AKNA: variants seen among roughly 807,000 people sequenced by gnomAD.
AKNA encodes microtubule organization protein AKNA.
Under a neutral mutation model 138.8 loss-of-function variants are expected in AKNA, and 67 were observed. The observed-to-expected ratio is 0.48, with a 90% CI of 0.40 to 0.59. The LOEUF is 0.59. Among genes scored for constraint, AKNA ranks in the 20% least tolerant of loss-of-function variants. The pLI is 0.00. For synonymous variants in AKNA, 737 were observed against 754.4 expected (o/e 0.98, Z 0.38); for missense variants, 1,813 against 1,880.4 (o/e 0.96, Z 0.66).
At position 114,358,098 on chromosome 9, in the gene AKNA, G is replaced by A; in HGVS notation, c.2562C>T (p.His854=). The change falls in exon 12 of 22, where the codon CAC becomes CAT. Residue 854 remains histidine, a synonymous_variant. Coordinates refer to ENST00000374088, the MANE Select transcript of AKNA (RefSeq NM_001317950.2). ...GFQASLARDG[H]MSGLGKAEAA... ...CCTCAGCCTTGCCCAGGCCTGACAT[G>A]TGCCCGTCTCTAGCCAGGGATGCCT... 1 of 1,614,188 alleles carries A rather than the reference G, an allele frequency of 6.2e-7. No homozygotes were observed. Among genetic ancestry groups the A allele is most frequent in the South Asian group, 1.1e-5 (1 of 91,086 alleles).
intron 18 of AKNA, 193 bp from the exon 19 acceptor site, chr9:114,343,996 T>A (rs1344949183): frequency 7.2e-6 from 4 of 555,608 alleles, no homozygotes; most frequent in African/African-American, 5.8e-5. Context: ...ATGACACACA[T>A]ACACACATAT....
intron 14 of AKNA, among the ~76,000 whole-genome samples, chr9:114,354,170 A>T (rs1831321675): frequency 6.6e-6 from 1 of 152,182 alleles, no homozygotes; most frequent in African/African-American, 2.4e-5. Context: ...TATCCTTATA[A>T]GCTTTTTTCT....
At chr9:114,331,786 C>T, downstream of AKNA, 1 of 1,603,344 alleles carries the variant, frequency 6.2e-7, no homozygotes. Context: ...CCCGCCGGGC[C>T]CCACCATGTC....
chr9:114,367,516 C>CG, intron 6 of AKNA, 27 bp downstream of exon 6: 1 of 1,609,580 alleles, frequency 6.2e-7, no homozygotes, highest in Non-Finnish European at 8.5e-7. Context: ...TTAAGTCTCT[C>CG]GGGGGCAAAG....
upstream of AKNA, chr9:114,388,122 T>C (rs558528892): frequency 6.0e-5 from 16 of 266,740 alleles, 1 homozygote; most frequent in South Asian, 4.5e-4. Flanking sequence ...GGGGTTTGTC[T>C]GCGTGCAGAG....
intron 1 of AKNA, among the ~76,000 whole-genome samples, chr9:114,385,237 A>G (rs563052556): frequency 1.4e-4 from 22 of 152,296 alleles, no homozygotes; most frequent in Admixed American, 1.4e-3. Flanking sequence ...AATCCCTGCC[A>G]GGGATCTTAA....
chr9:114,369,474 A>G (rs1292523929), intron 4 of AKNA, among the ~76,000 whole-genome samples: 10 of 152,020 alleles, frequency 6.6e-5, no homozygotes, highest in Admixed American at 6.6e-4. Context: ...AAGTTTGCCA[A>G]CTCTGGCTTA....
intron 12 of AKNA, 26 bp downstream of exon 12, chr9:114,357,895 G>T: frequency 5.6e-6 from 9 of 1,593,356 alleles, no homozygotes; most frequent in Non-Finnish European, 7.7e-6. Context: ...GAGGTTCTGG[G>T]CCCATTCCCC....
Position 114,374,108 on chromosome 9 carries a change from T to C in AKNA, c.1401A>G (p.Leu467=), listed in dbSNP as rs1305660892. Residue 467 remains leucine (L), a synonymous_variant, in exon 4 of 22, where the codon CTA becomes CTG. Coordinates refer to ENST00000374088, the MANE Select transcript of AKNA (RefSeq NM_001317950.2). ...GGCCTGGTACCTTGGCCCCGAGGCG[T>C]AGCTGGTCAATGGTGTTCTCGGCCT... ...YAEAENTIDQ[L]RLGAKVNLFS... is the part of the protein sequence containing the mutation. 6.4e-7 allele frequency: 1 copy of C among 1,557,818 alleles called. No individual in the cohort carries two copies. The highest frequency in any genetic ancestry group is 8.7e-7 in the Non-Finnish European group (1 of 1,150,240).
intron 15 of AKNA, 40 bp downstream of exon 15, chr9:114,350,819 T>A (rs529436236): frequency 2.0e-6 from 3 of 1,517,270 alleles, no homozygotes; most frequent in East Asian, 2.3e-5. Context: ...CCCGTCTGTA[T>A]GATGAGCTTG....
chr9:114,362,572 T>A, intron 7 of AKNA, 39 bp from the exon 8 acceptor site: 1 of 1,602,082 alleles, frequency 6.2e-7, no homozygotes, highest in Non-Finnish European at 8.5e-7. Context: ...GAGTGCTCAG[T>A]CCCCGCGGGG....
downstream of AKNA, among the ~76,000 whole-genome samples, chr9:114,332,732 G>A (rs1269852191): frequency 5.3e-5 from 8 of 152,156 alleles, no homozygotes; most frequent in African/African-American, 1.2e-4. Context: ...GGGTCCCAAG[G>A]CCACCCTGCT....
At chr9:114,385,004 C>T (rs1833932493) in intron 1 of AKNA, among the ~76,000 whole-genome samples, 1 of 152,160 alleles carries the variant, frequency 6.6e-6, no homozygotes, top group Admixed American at 6.5e-5. Context: ...TATGCGCCAC[C>T]ATGCCTGGCT....
In AKNA at chr9:114,337,012, T is replaced by TGGGGGGGGGGGGGGGGGGGGGGGGG; in HGVS notation, c.*41_*42insCCCCCCCCCCCCCCCCCCCCCCCCC. 1.7e-6 allele frequency: 2 copies of TGGGGGGGGGGGGGGGGGGGGGGGGG among 1,208,224 alleles called. No individual in the cohort carries two copies. The highest frequency in any genetic ancestry group is 1.1e-6 in the Non-Finnish European group (1 of 929,350). The allele number at this position is 1,208,224 out of a possible 1,614,324, so 74.8% of individuals were successfully genotyped here. On this transcript the variant is annotated 3_prime_UTR_variant, in exon 22 of 22. Coordinates refer to ENST00000374088, the MANE Select transcript of AKNA (RefSeq NM_001317950.2). ...CCCACTCCTGGCCTGGCAGGCCACCTGCCCACCCACCCACCCATCTGCCTC... is the reference window on the plus strand; with the variant it reads ...CCCACTCCTGGCCTGGCAGGCCACCTGGGGGGGGGGGGGGGGGGGGGGGGGGCCCACCCACCCACCCATCTGCCTC...
In AKNA at chr9:114,350,896, T is replaced by C; in HGVS notation, c.3184A>G (p.Thr1062Ala). 1 of 1,597,652 alleles carries C rather than the reference T, an allele frequency of 6.3e-7. No individual in the cohort carries two copies. The highest frequency in any genetic ancestry group is 8.5e-7 in the Non-Finnish European group (1 of 1,172,340). Reference protein sequence around the residue: ...AAPLPCGPTETIPSFLLTRAG... With the variant: ...AAPLPCGPTEAIPSFLLTRAG... The stretch of plus-strand genomic sequence containing the variant: ...CTGGTGAGCAGGAAGCTGGGGATGG[T>C]CTCTGTTGGTCCACAGGGTAGAGGC... Residue 1062 changes from threonine (T) to alanine (A), a missense_variant, in exon 15 of 22, where the codon ACC becomes GCC. Thr to Ala is a moderately conservative substitution (Grantham distance 58). Transcript: ENST00000374088.
Position 114,381,381 on chromosome 9 carries a change from G to A in AKNA, c.-48C>T, listed in dbSNP as rs1397227477. 6.8e-7 allele frequency: 1 copy of A among 1,480,000 alleles called. No homozygotes were observed. Among genetic ancestry groups the A allele is most frequent in the South Asian group, 1.4e-5 (1 of 72,806 alleles). The allele number at this position is 1,480,000 out of a possible 1,614,324, so 91.7% of individuals were successfully genotyped here. ...TGGGCCACTTCATCTTCAGGAGACAGAGCTGCTGCCAGGGGCCCCAGAGTC... is the reference window on the plus strand; with the variant it reads ...TGGGCCACTTCATCTTCAGGAGACAAAGCTGCTGCCAGGGGCCCCAGAGTC... On this transcript the variant is annotated 5_prime_UTR_variant, in exon 2 of 22. Transcript: ENST00000374088.
chr9:114,341,801 C>T (rs1192331795), intron 20 of AKNA, 76 bp from the exon 21 acceptor site: 2 of 1,471,870 alleles, frequency 1.4e-6, no homozygotes, highest in African/African-American at 2.8e-5. Flanking sequence ...AGGGTCCACC[C>T]AGCCCTTCCC....
chr9:114,340,555 C>T (rs1212737560), intron 21 of AKNA, among the ~76,000 whole-genome samples: 1 of 152,212 alleles, frequency 6.6e-6, no homozygotes, highest in African/African-American at 2.4e-5. Context: ...TTGGTTCCTG[C>T]CACGTGCCAC....
chr9:114,395,655 A>C (rs1042145012), upstream of AKNA, among the ~76,000 whole-genome samples: 1 of 150,132 alleles, frequency 6.7e-6, no homozygotes, highest in Non-Finnish European at 1.5e-5. Context: ...TGGCTCTGCC[A>C]AAAAGCCCCC....
Sources: allele counts gnomAD v4.1 joint callset (sites outside exome capture counted in the v4.1 genomes callset), GRCh38; gene constraint gnomAD v4.1.1; transcripts MANE v1.5; gene names NCBI Gene and HGNC (gene_info 2026-07-23, HGNC 2026-07-21).